Variants in ATOH8 observed in about 807,000 individuals in gnomAD.
The protein encoded by ATOH8 is atonal bHLH transcription factor 8.
A neutral mutation model predicts 21.2 loss-of-function variants in ATOH8; 9 were observed. The observed-to-expected ratio is 0.42, with a 90% confidence interval of 0.26 to 0.74. The LOEUF (loss-of-function observed/expected upper bound fraction) is 0.74, where lower values mean the gene tolerates loss of function less well. Among genes scored for constraint, ATOH8 ranks in the 30% least tolerant of loss-of-function variants. ATOH8 has a pLI of 0.24. For synonymous variants in ATOH8, 253 were observed against 224.0 expected (o/e 1.13, Z -1.16); for missense variants, 524 against 470.9 (o/e 1.11, Z -1.04).
intron 2 of ATOH8, among the ~76,000 whole-genome samples, chr2:85,777,229 C>T (rs1347797307): frequency 6.6e-6 from 1 of 152,072 alleles, no homozygotes; most frequent in Non-Finnish European, 1.5e-5. Context: ...GAGGAGGGCC[C>T]CTCGGTATGG....
Position 85,764,185 on chromosome 2 carries a change from A to G in ATOH8, c.960+3A>G. On this transcript the variant is annotated splice_donor_region_variant and intron_variant, in intron 2 of 2. Transcript: ENST00000306279. Reference sequence around the variant, plus strand: ...AGGGACGTGCCAAGAAGCGCAAGGTATGCACCAGCTGGGTGGGCGGTAGCT... The same window carrying G: ...AGGGACGTGCCAAGAAGCGCAAGGTGTGCACCAGCTGGGTGGGCGGTAGCT... 2 of 1,613,582 alleles carry G rather than the reference A, an allele frequency of 1.2e-6. No individual in the cohort carries two copies. The highest frequency in any genetic ancestry group is 1.7e-6 in the Non-Finnish European group (2 of 1,179,628).
chr2:85,779,725 C>A (rs980413699), intron 2 of ATOH8, among the ~76,000 whole-genome samples: 1 of 152,210 alleles, frequency 6.6e-6, no homozygotes, highest in African/African-American at 2.4e-5. Flanking sequence ...CAAGTGAGGT[C>A]ACCACTCAGG....
intron 2 of ATOH8, among the ~76,000 whole-genome samples, chr2:85,764,835 A>G (rs1185491219): frequency 6.6e-6 from 1 of 152,208 alleles, no homozygotes; most frequent in Non-Finnish European, 1.5e-5. Context: ...GCCAGGTAGA[A>G]GAGAGACAGA....
chr2:85,769,274 A>C (rs1462996983), intron 2 of ATOH8, among the ~76,000 whole-genome samples: 2 of 152,258 alleles, frequency 1.3e-5, no homozygotes, highest in African/African-American at 2.4e-5. Flanking sequence ...ATGGCCAGTA[A>C]GTTCCTGCCC....
intron 1 of ATOH8, among the ~76,000 whole-genome samples, chr2:85,757,887 G>C (rs1375128645): frequency 1.3e-5 from 2 of 150,076 alleles, no homozygotes; most frequent in Non-Finnish European, 3.0e-5. Flanking sequence ...CCAGGTTCAA[G>C]TGATTCTTCT....
chr2:85,772,118 G>A (rs1269560728), intron 2 of ATOH8, among the ~76,000 whole-genome samples: 1 of 152,218 alleles, frequency 6.6e-6, no homozygotes, highest in African/African-American at 2.4e-5. Flanking sequence ...CTGCAGCGCA[G>A]TGCAGGCTCC....
At chr2:85,783,079 G>T (rs1015471953) in intron 2 of ATOH8, among the ~76,000 whole-genome samples, 5 of 152,190 alleles carry the variant, frequency 3.3e-5, no homozygotes, top group African/African-American at 7.2e-5. Flanking sequence ...CCCTGCCCTC[G>T]TGGAGCTGGC....
chr2:85,754,920 A>G lies in ATOH8; in HGVS notation c.731A>G (p.His244Arg). Reference protein sequence around the residue: ...LANARERTRVHTISAAFEALR... With the variant: ...LANARERTRVRTISAAFEALR... ...AACGCCAGGGAGCGGACGCGGGTGCACACCATCAGCGCAGCCTTCGAGGCG... is the reference window on the plus strand; with the variant it reads ...AACGCCAGGGAGCGGACGCGGGTGCGCACCATCAGCGCAGCCTTCGAGGCG... The change falls in exon 1 of 3, where the codon CAC becomes CGC. Residue 244 changes from histidine (H) to arginine (R), a missense_variant. Coordinates refer to ENST00000306279, the MANE Select transcript of ATOH8 (RefSeq NM_032827.7). 6.2e-7 allele frequency: 1 copy of G among 1,607,568 alleles called. No individual in the cohort carries two copies. Among genetic ancestry groups the G allele is most frequent in the Non-Finnish European group, 8.5e-7 (1 of 1,179,404 alleles).
chr2:85,770,377 G>T (rs541366537), intron 2 of ATOH8, among the ~76,000 whole-genome samples: 1 of 152,192 alleles, frequency 6.6e-6, no homozygotes, highest in East Asian at 1.9e-4. Context: ...ACCCCCTCCC[G>T]GCCCAGTTAT....
Position 85,754,711 on chromosome 2 carries a change from C to G in ATOH8, c.522C>G (p.Pro174=), listed in dbSNP as rs760869571. Residue 174 remains proline (P), a synonymous_variant, in exon 1 of 3, where the codon CCC becomes CCG. Coordinates refer to ENST00000306279, the MANE Select transcript of ATOH8 (RefSeq NM_032827.7). ...APSAPPAPPA[P]PESTVRPAPP... ...CAGCACCCCCAGCACCGCCAGCGCC[C>G]CCGGAGTCCACTGTGCGCCCTGCGC... The G allele has an allele frequency of 5.0e-6, 8 of 1,610,846 alleles. No homozygotes were observed. The East Asian group carries it at 6.7e-5, about 13-fold the overall frequency.
At chr2:85,761,408 G>A (rs1679868623) in intron 1 of ATOH8, among the ~76,000 whole-genome samples, 1 of 152,166 alleles carries the variant, frequency 6.6e-6, no homozygotes, top group Admixed American at 6.5e-5. Flanking sequence ...GTTAGATCTG[G>A]AGCTTGATAG....
chr2:85,764,055 A>G lies in ATOH8; in HGVS notation c.833A>G (p.Tyr278Cys). ...GCCATCCTGAGGATCGCCTGTAACT[A>G]CATCCTGTCCCTGGCGCGGCTGGCT... ...KLAILRIACN[Y>C]ILSLARLADL... The change falls in exon 2 of 3, where the codon TAC becomes TGC. Residue 278 changes from tyrosine to cysteine, a missense_variant. Transcript: ENST00000306279. 6.2e-7 allele frequency: 1 copy of G among 1,614,158 alleles called. No homozygotes were observed. The highest frequency in any genetic ancestry group is 8.5e-7 in the Non-Finnish European group (1 of 1,180,024).
intron 1 of ATOH8, among the ~76,000 whole-genome samples, chr2:85,756,447 T>G (rs962256503): frequency 3.3e-5 from 5 of 152,138 alleles, no homozygotes; most frequent in Non-Finnish European, 7.4e-5. Context: ...CCTCCTAGAC[T>G]GGGGAGGCAC....
chr2:85,759,373 G>A (rs1043527560), intron 1 of ATOH8, among the ~76,000 whole-genome samples: 4 of 152,176 alleles, frequency 2.6e-5, no homozygotes, highest in South Asian at 2.1e-4. Context: ...GGTGGCTGCC[G>A]TGGAGCCTCA....
At position 85,790,527 on chromosome 2, in the gene ATOH8, C is replaced by T. The variant is rs1260944452; in HGVS notation, c.*3637C>T. ...GGTGAGGTTTTGAGCAAGTGTTCAT[C>T]CCCCCACACTATGCTCCTTCCTGTC... On this transcript the variant is annotated 3_prime_UTR_variant, in exon 3 of 3. Coordinates refer to ENST00000306279, the MANE Select transcript of ATOH8 (RefSeq NM_032827.7). Among the ~76,000 whole-genome samples the T allele has an allele frequency of 6.6e-6, 1 of 152,212 alleles. No homozygotes were observed. Among genetic ancestry groups the T allele is most frequent in the Admixed American group, 6.5e-5 (1 of 15,282 alleles).
rs1680638924 is a variant in ATOH8, at chr2:85,787,065, C to T, written c.*175C>T. The stretch of plus-strand genomic sequence containing the variant: ...ACGCCTGCCTCCCTCTCCCCTCCGC[C>T]CTCACCCAGCCAATCCGAGGCTGCT... On this transcript the variant is annotated 3_prime_UTR_variant, in exon 3 of 3. Coordinates refer to ENST00000306279, the MANE Select transcript of ATOH8 (RefSeq NM_032827.7). 4 of 746,328 alleles carry T rather than the reference C, an allele frequency of 5.4e-6. No homozygotes were observed. Among genetic ancestry groups the T allele is most frequent in the Non-Finnish European group, 8.6e-6 (4 of 463,246 alleles). The allele number at this position is 746,328 out of a possible 1,614,324, so 46.2% of individuals were successfully genotyped here.
At position 85,787,096 on chromosome 2, in the gene ATOH8, C is replaced by T; in HGVS notation, c.*206C>T. On this transcript the variant is annotated 3_prime_UTR_variant, in exon 3 of 3. Coordinates refer to ENST00000306279, the MANE Select transcript of ATOH8 (RefSeq NM_032827.7). ...CCAGCCAATCCGAGGCTGCTTCGCA[C>T]TTTGCCCTCTGCCTGGTGGGGAGGG... is the stretch of plus-strand genomic sequence containing the variant. The T allele has an allele frequency of 1.6e-6, 1 of 615,964 alleles. No homozygotes were observed. Among genetic ancestry groups the T allele is most frequent in the Non-Finnish European group, 2.8e-6 (1 of 356,472 alleles). 38.2% of individuals were successfully genotyped at this position (615,964 alleles called of 1,614,324 possible). A position where few individuals can be genotyped will look rare whatever the true frequency, so the allele number is the denominator to read the frequency against.
intron 1 of ATOH8, among the ~76,000 whole-genome samples, chr2:85,759,777 G>A (rs1679810828): frequency 1.3e-5 from 2 of 151,988 alleles, no homozygotes; most frequent in Admixed American, 1.3e-4. Flanking sequence ...GAGCTCTATG[G>A]GCCCAGGAGT....
chr2:85,772,257 G>T (rs113784033), intron 2 of ATOH8, among the ~76,000 whole-genome samples: 3,481 of 152,336 alleles, frequency 0.023, 139 homozygotes, highest in African/African-American at 0.08. Context: ...CTGACACCAG[G>T]TTAAGTCGCC....
Sources: gnomAD v4.1 joint callset for allele counts (sites outside exome capture counted in the v4.1 genomes callset) on GRCh38, gnomAD v4.1.1 for gene constraint, MANE v1.5 for transcripts, NCBI Gene and HGNC (gene_info 2026-07-23, HGNC 2026-07-21) for gene names.